The following ATG13 variants were observed in gnomAD, a reference collection of about 807,000 sequenced individuals.
ATG13 encodes the protein autophagy related 13.
A neutral mutation model predicts 65.5 loss-of-function variants in ATG13; 23 were observed. The ratio of observed to expected loss-of-function variants is 0.35; its 90% CI spans 0.25 to 0.50. The LOEUF (loss-of-function observed/expected upper bound fraction) is 0.50, where lower values mean the gene tolerates loss of function less well. ATG13 is among the 20% of genes least tolerant of loss of function. The pLI is 0.98. For synonymous variants in ATG13, 252 were observed against 245.2 expected, an observed-to-expected ratio of 1.03 and a Z score of -0.26; for missense variants, 566 against 677.0, an observed-to-expected ratio of 0.84 and a Z score of 1.82.
intron 18 of ATG13, 25 bp from the exon 19 acceptor site, chr11:46,672,230 G>T (rs1455150924): frequency 1.2e-6 from 2 of 1,613,986 alleles, no homozygotes; most frequent in Non-Finnish European, 1.7e-6. Context: ...TGAATAAACG[G>T]CTCTTCCCTC....
intron 1 of ATG13, among the ~76,000 whole-genome samples, chr11:46,625,759 T>C (rs2049345430): frequency 6.6e-6 from 1 of 152,148 alleles, no homozygotes; most frequent in South Asian, 2.1e-4. Context: ...TTAGGTGTGG[T>C]TACATTTGTG....
intron 2 of ATG13, among the ~76,000 whole-genome samples, chr11:46,634,349 C>T (rs1228341818): frequency 2.0e-5 from 3 of 151,804 alleles, no homozygotes; most frequent in Admixed American, 6.6e-5. Context: ...CCACCGGCCT[C>T]GGCCTCCCAA....
At chr11:46,627,759 G>A (rs1385535437) in intron 1 of ATG13, among the ~76,000 whole-genome samples, 1 of 152,048 alleles carries the variant, frequency 6.6e-6, no homozygotes, top group Admixed American at 6.6e-5. Flanking sequence ...GGTTACAGGT[G>A]TGAGCCACCG....
At chr11:46,625,741 G>A (rs1157146243) in intron 1 of ATG13, among the ~76,000 whole-genome samples, 4 of 152,162 alleles carry the variant, frequency 2.6e-5, no homozygotes, top group African/African-American at 9.7e-5. Context: ...TCTTGTGAAA[G>A]GGTCCATTTA....
chr11:46,646,457 TTTTTTG>T (rs58163343), intron 5 of ATG13, among the ~76,000 whole-genome samples: 85,940 of 150,454 alleles, frequency 0.57, 29,095 homozygotes, highest in East Asian at 0.86. Flanking sequence ...CTGTTTTTTG[TTTTTTG>T]TTTTTGTTTT....
intron 1 of ATG13, among the ~76,000 whole-genome samples, chr11:46,622,963 T>G (rs1758780202): frequency 6.6e-6 from 1 of 152,148 alleles, no homozygotes; most frequent in South Asian, 2.1e-4. Context: ...GATGAAATCT[T>G]GGAAGTACAG....
intron 1 of ATG13, among the ~76,000 whole-genome samples, chr11:46,627,969 G>A (rs893329436): frequency 6.6e-6 from 1 of 151,304 alleles, no homozygotes; most frequent in Non-Finnish European, 1.5e-5. Context: ...AGTAGTCCCA[G>A]CTACTCCTGA....
At position 46,617,754 on chromosome 11, in the gene ATG13, G is replaced by T; in HGVS notation, c.-206G>T. The T allele has an allele frequency of 2.5e-6, 1 of 398,890 alleles. No homozygotes were observed. The highest frequency in any genetic ancestry group is 1.3e-4 in the South Asian group (1 of 7,746). The allele number at this position is 398,890 out of a possible 1,614,324, so 24.7% of individuals were successfully genotyped here. On this transcript the variant is annotated 5_prime_UTR_variant, in exon 1 of 19. In the 5' UTR this introduces an upstream ATG that the reference lacks. Transcript: ENST00000683050. ...GAGCCAGGACCCTTCTGAAGCCTTA[G>T]GTGTCTATCGGCGACGTGTACGGTC...
At chr11:46,622,110 TATATATATATA>T (rs2047829508) in intron 1 of ATG13, among the ~76,000 whole-genome samples, 2 of 93,778 alleles carry the variant, frequency 2.1e-5, no homozygotes, top group African/African-American at 8.5e-5. Flanking sequence ...TATATATATA[TATATATATATA>T]TATATATTTA....
intron 14 of ATG13, 56 bp downstream of exon 14, chr11:46,665,575 C>T: frequency 6.3e-7 from 1 of 1,588,828 alleles, no homozygotes; most frequent in Admixed American, 1.7e-5. Flanking sequence ...CCTGGGCTCC[C>T]TGACACACGT....
chr11:46,619,233 G>GCTGC, intron 1 of ATG13, among the ~76,000 whole-genome samples: 1 of 152,084 alleles, frequency 6.6e-6, no homozygotes, highest in East Asian at 1.9e-4. Context: ...TGCAAAGGAG[G>GCTGC]CTGCCCAGAG....
intron 7 of ATG13, among the ~76,000 whole-genome samples, chr11:46,655,281 C>G (rs1348395727): frequency 6.6e-6 from 1 of 152,082 alleles, no homozygotes; most frequent in African/African-American, 2.4e-5. Context: ...CACCTGTAGT[C>G]CAGCTGCTCG....
At chr11:46,631,837 A>G (rs1231064396) in intron 2 of ATG13, among the ~76,000 whole-genome samples, 2 of 152,194 alleles carry the variant, frequency 1.3e-5, no homozygotes, top group African/African-American at 4.8e-5. Context: ...CTATGATGGC[A>G]TCACTGCACT....
rs1457239755 is a variant in ATG13, at chr11:46,649,184, G to A, written c.317+1G>A. The A allele has an allele frequency of 6.2e-7, 1 of 1,613,306 alleles. No individual in the cohort carries two copies. Among genetic ancestry groups the A allele is most frequent in the African/African-American group, 1.3e-5 (1 of 75,042 alleles). On this transcript the variant is annotated splice_donor_variant, in intron 6 of 18. Coordinates refer to ENST00000683050, the MANE Select transcript of ATG13 (RefSeq NM_001346311.2). LOFTEE classifies it high-confidence loss of function. ...TATGGTGTCTTGAAATGAATGAAAA[G>A]TAAGTGCTGCGTCTTAGGGTCCTTG...
intron 1 of ATG13, among the ~76,000 whole-genome samples, chr11:46,629,586 G>A (rs1330169728): frequency 4.0e-5 from 6 of 151,650 alleles, no homozygotes; most frequent in Non-Finnish European, 8.8e-5. Context: ...TAGTAGAGAC[G>A]GGGTTTCTCC....
intron 17 of ATG13, 48 bp from the exon 18 acceptor site, chr11:46,669,353 TCTC>T: frequency 2.5e-6 from 4 of 1,604,688 alleles, no homozygotes; most frequent in Non-Finnish European, 3.4e-6. Flanking sequence ...TCATAGCTTA[TCTC>T]CTCTGTGGTT....
At chr11:46,621,232 C>T (rs1201854940) in intron 1 of ATG13, 1 of 152,166 alleles carries the variant, frequency 6.6e-6, no homozygotes, top group Non-Finnish European at 1.5e-5. Flanking sequence ...TCAGGCTGGT[C>T]TCCAACTCCT....
At position 46,639,853 on chromosome 11, in the gene ATG13, ATTT is replaced by A. The variant is rs377458204; in HGVS notation, c.-13-4408_-13-4406del. 1.2e-3 allele frequency among the ~76,000 whole-genome samples: 152 copies of A among 126,944 alleles called. 1 individual carries two copies. The highest frequency in any genetic ancestry group is 4.4e-3 in the African/African-American group (141 of 32,360). The allele number at this position is 126,944 out of a possible 152,430, so 83.3% of individuals were successfully genotyped here. A position where few individuals can be genotyped will look rare whatever the true frequency, so the allele number is the denominator to read the frequency against. ...CTGTACTTCAGGATCTGCTTATGCA[ATTT>A]TTTTTTTTTTTTTTTTTGACAGGGT... On this transcript the variant is annotated intron_variant, in intron 2 of 18. Coordinates refer to ENST00000683050, the MANE Select transcript of ATG13 (RefSeq NM_001346311.2).
At chr11:46,651,250 A>C (rs1439866129) in intron 7 of ATG13, among the ~76,000 whole-genome samples, 1 of 152,246 alleles carries the variant, frequency 6.6e-6, no homozygotes, top group African/African-American at 2.4e-5. Context: ...GAATCAGGAA[A>C]AAAAGGTACT....
Sources: allele counts gnomAD v4.1 joint callset (sites outside exome capture counted in the v4.1 genomes callset), GRCh38; gene constraint gnomAD v4.1.1; transcripts MANE v1.5; gene names NCBI Gene and HGNC (gene_info 2026-07-23, HGNC 2026-07-21).